The following MYLK4 variants were observed in gnomAD, a reference collection of about 807,000 sequenced individuals.
MYLK4 encodes myosin light chain kinase family member 4, also known as caMLCK like.
In MYLK4, 46 loss-of-function variants were observed where a neutral mutation model predicts 48.1. The ratio of observed to expected loss-of-function variants is 0.96; its 90% confidence interval spans 0.75 to 1.22. The LOEUF (loss-of-function observed/expected upper bound fraction) is 1.22, where lower values mean the gene tolerates loss of function less well. Ranked by LOEUF, MYLK4 falls within the 50% of genes most tolerant of loss-of-function variation. The pLI, the probability that MYLK4 is intolerant of heterozygous loss-of-function variation, is 0.00. For missense variants in MYLK4, 451 were observed against 486.1 expected (o/e 0.93, Z 0.68); for synonymous variants, 170 against 180.8 (o/e 0.94, Z 0.48).
chr6:2,716,631 A>G (rs1330869135), intron 2 of MYLK4, among the ~76,000 whole-genome samples: 1 of 152,070 alleles, frequency 6.6e-6, no homozygotes, highest in Non-Finnish European at 1.5e-5. Flanking sequence ...AACTCCTTAC[A>G]ACCTAGTAGG....
intron 2 of MYLK4, among the ~76,000 whole-genome samples, chr6:2,693,635 A>C (rs372013014): frequency 2.8e-4 from 42 of 152,202 alleles, no homozygotes; most frequent in African/African-American, 8.4e-4. Flanking sequence ...CATTGTGTGG[A>C]TGTCCAAAAA....
chr6:2,740,774 G>A (rs1348613939), intron 2 of MYLK4, among the ~76,000 whole-genome samples: 2 of 152,272 alleles, frequency 1.3e-5, no homozygotes, highest in East Asian at 1.9e-4. Context: ...TATACTAAAC[G>A]CTGCCTACGA....
chr6:2,682,160 T>G (rs1761332275), intron 7 of MYLK4, among the ~76,000 whole-genome samples: 1 of 152,220 alleles, frequency 6.6e-6, no homozygotes, highest in African/African-American at 2.4e-5. Context: ...CAATCCCTAG[T>G]GAATGCAATA....
In MYLK4 at chr6:2,697,173, A is replaced by G. The variant is rs971299263; in HGVS notation, c.160-4314T>C. ...TTTAAAATATTTTACTGATGGCAGC[A>G]CAAAATCAAAATAATTTGGAGACAA... On this transcript the variant is annotated intron_variant, in intron 2 of 12. Transcript: ENST00000274643. 3.9e-5 allele frequency among the ~76,000 whole-genome samples: 6 copies of G among 152,272 alleles called. No individual in the cohort carries two copies. In the South Asian group the frequency reaches 1.2e-3, roughly 31 times the overall value.
upstream of MYLK4, among the ~76,000 whole-genome samples, chr6:2,755,780 T>G (rs1026388826): frequency 1.3e-5 from 2 of 152,214 alleles, no homozygotes; most frequent in Admixed American, 1.3e-4. Context: ...CATTGATATT[T>G]TTGAAGTCTT....
intron 2 of MYLK4, among the ~76,000 whole-genome samples, chr6:2,739,291 T>G (rs187476077): frequency 3.7e-4 from 57 of 152,328 alleles, no homozygotes; most frequent in Middle Eastern, 3.4e-3. Flanking sequence ...GGTGGCTCAG[T>G]AATGATTTGC....
At chr6:2,715,372 A>G (rs543659323) in intron 2 of MYLK4, among the ~76,000 whole-genome samples, 4 of 152,262 alleles carry the variant, frequency 2.6e-5, no homozygotes, top group African/African-American at 9.6e-5. Context: ...GCATCATTGA[A>G]TTGGACACTT....
At chr6:2,699,269 C>T (rs1762183619) in intron 2 of MYLK4, among the ~76,000 whole-genome samples, 1 of 125,494 alleles carries the variant, frequency 8.0e-6, no homozygotes, top group Non-Finnish European at 1.7e-5. Context: ...AAGCATGCTA[C>T]CACTTTTCTT....
chr6:2,741,236 G>C (rs561274903), intron 2 of MYLK4, among the ~76,000 whole-genome samples: 4 of 152,240 alleles, frequency 2.6e-5, no homozygotes, highest in African/African-American at 9.6e-5. Flanking sequence ...TAGGTAAGTG[G>C]ATAGGATCGT....
At chr6:2,699,095 C>T (rs7772241) in intron 2 of MYLK4, among the ~76,000 whole-genome samples, 4,363 of 152,066 alleles carry the variant, frequency 0.029, 195 homozygotes, top group African/African-American at 0.099. Flanking sequence ...GTGCTTCACT[C>T]GGAAGCCAAG....
rs777081435 is a variant in MYLK4 at position 2,692,784 on chromosome 6, C to T, written c.235G>A (p.Val79Ile). Reference protein sequence around the residue: ...VKSKRTSALAVDIPAPPAPFD... With the variant: ...VKSKRTSALAIDIPAPPAPFD... Reference sequence around the variant, plus strand: ...CTATCTACTTTTCTAAAGATGTTACCTGCGAGGGCTGATGTCCTTTTGCTT... The same window carrying T: ...CTATCTACTTTTCTAAAGATGTTACTTGCGAGGGCTGATGTCCTTTTGCTT... Residue 79 changes from valine to isoleucine, a missense_variant and splice_region_variant, in exon 3 of 13, where the codon GTT becomes ATT. Transcript: ENST00000274643. The T allele has an allele frequency of 1.2e-6, 2 of 1,613,476 alleles. No homozygotes were observed. The highest frequency in any genetic ancestry group is 1.7e-6 in the Non-Finnish European group (2 of 1,179,780).
rs1487225246 is a variant in MYLK4 at position 2,737,982 on chromosome 6, G to C, written c.159+11154C>G. On this transcript the variant is annotated intron_variant, in intron 2 of 12. Transcript: ENST00000274643. ...TGGGGGTGGGGTGCCGGGGGCGGGT[G>C]GGGGGGGGGTGGTCAATGTTATTAA... Among the ~76,000 whole-genome samples the C allele has an allele frequency of 3.7e-3, 225 of 60,072 alleles. 16 individuals carry two copies. Among genetic ancestry groups the C allele is most frequent in the African/African-American group, 1.0e-2 (218 of 21,864 alleles). 39.4% of individuals were successfully genotyped at this position (60,072 alleles called of 152,430 possible). A position where few individuals can be genotyped will look rare whatever the true frequency, so the allele number is the denominator to read the frequency against.
At chr6:2,751,796 T>C (rs1181322342), upstream of MYLK4, among the ~76,000 whole-genome samples, 1 of 152,238 alleles carries the variant, frequency 6.6e-6, no homozygotes, top group African/African-American at 2.4e-5. Flanking sequence ...TAAAAATACA[T>C]ATTTTTCCAT....
At chr6:2,762,794 G>C in the MYLK4 span, among the ~76,000 whole-genome samples, 1 of 152,142 alleles carries the variant, frequency 6.6e-6, no homozygotes, top group African/African-American at 2.4e-5. Context: ...TCAACTGGCA[G>C]ACCTTCCCGG....
chr6:2,732,174 T>C (rs1444495374), intron 2 of MYLK4, among the ~76,000 whole-genome samples: 2 of 152,240 alleles, frequency 1.3e-5, no homozygotes, highest in African/African-American at 4.8e-5. Context: ...CACGAAATGA[T>C]AAGCTTCTGG....
intron 2 of MYLK4, among the ~76,000 whole-genome samples, chr6:2,710,971 A>G (rs546400366): frequency 6.6e-6 from 1 of 152,326 alleles, no homozygotes. Context: ...TTTATTCCTT[A>G]TAATAACATT....
intron 2 of MYLK4, among the ~76,000 whole-genome samples, chr6:2,706,597 C>T (rs1214335942): frequency 6.6e-6 from 1 of 152,028 alleles, no homozygotes; most frequent in South Asian, 2.1e-4. Context: ...CCTGTGGTAT[C>T]GAAAGAGAAA....
intron 2 of MYLK4, among the ~76,000 whole-genome samples, chr6:2,718,387 G>A (rs919577457): frequency 3.3e-5 from 5 of 152,128 alleles, no homozygotes; most frequent in African/African-American, 1.2e-4. Context: ...CAGATACCTG[G>A]ATAATGTGCT....
At chr6:2,681,739 C>T (rs1272977260) in intron 7 of MYLK4, among the ~76,000 whole-genome samples, 1 of 152,176 alleles carries the variant, frequency 6.6e-6, no homozygotes, top group Non-Finnish European at 1.5e-5. Flanking sequence ...AGGACCCATC[C>T]AGCTGTCACC....
Sources: gnomAD v4.1 joint callset for allele counts (sites outside exome capture counted in the v4.1 genomes callset) on GRCh38, gnomAD v4.1.1 for gene constraint, MANE v1.5 for transcripts, NCBI Gene and HGNC (gene_info 2026-07-23, HGNC 2026-07-21) for gene names.